Variants in RMND5A observed in about 807,000 individuals in gnomAD.
The protein encoded by RMND5A is E3 ubiquitin-protein transferase RMND5A.
RMND5A carries 17 observed loss-of-function variants against 49.7 expected under a neutral mutation model. That is an observed-to-expected ratio of 0.34 (90% CI 0.23 to 0.51). RMND5A has a LOEUF of 0.51. Ranked by LOEUF, RMND5A falls within the 20% of genes least tolerant of loss-of-function variation. RMND5A has a pLI of 0.96. For missense variants in RMND5A, 255 were observed against 471.3 expected, an observed-to-expected ratio of 0.54 and a Z score of 4.25; for synonymous variants, 156 against 167.7, an observed-to-expected ratio of 0.93 and a Z score of 0.54.
chr2:86,728,169 T>C (rs75267575), intron 1 of RMND5A, among the ~76,000 whole-genome samples: 43 of 80,714 alleles, frequency 5.3e-4, no homozygotes, highest in Admixed American at 3.8e-3. Flanking sequence ...AAAGAAACAT[T>C]ATTCATGGCC....
At chr2:86,767,516 A>T (rs1391572224) in intron 6 of RMND5A, among the ~76,000 whole-genome samples, 2 of 151,524 alleles carry the variant, frequency 1.3e-5, no homozygotes, top group African/African-American at 4.9e-5. Flanking sequence ...CCTGGGCTCA[A>T]GTGATTCTCC....
intron 2 of RMND5A, among the ~76,000 whole-genome samples, chr2:86,751,195 A>G (rs1270017733): frequency 6.6e-6 from 1 of 152,222 alleles, no homozygotes; most frequent in Non-Finnish European, 1.5e-5. Context: ...GATTCAGGCC[A>G]CAAGTTCTAA....
intron 1 of RMND5A, among the ~76,000 whole-genome samples, chr2:86,721,615 T>C (rs1380720904): frequency 6.6e-6 from 1 of 152,016 alleles, no homozygotes; most frequent in Non-Finnish European, 1.5e-5. Context: ...GATTGTTTTT[T>C]TTTTTACTGC....
chr2:86,757,738 C>T (rs960371460), intron 4 of RMND5A, among the ~76,000 whole-genome samples: 3 of 152,188 alleles, frequency 2.0e-5, no homozygotes, highest in Non-Finnish European at 4.4e-5. Flanking sequence ...AGTCTAGTAT[C>T]TGACTTTCAG....
At chr2:86,744,617 T>TGG (rs1681505234) in intron 2 of RMND5A, among the ~76,000 whole-genome samples, 1 of 152,200 alleles carries the variant, frequency 6.6e-6, no homozygotes, top group African/African-American at 2.4e-5. Flanking sequence ...TAAAGTTCCC[T>TGG]ACCTATCATG....
chr2:86,746,424 G>A (rs1212893375), intron 2 of RMND5A, among the ~76,000 whole-genome samples: 2 of 152,180 alleles, frequency 1.3e-5, no homozygotes, highest in Non-Finnish European at 2.9e-5. Flanking sequence ...TGTATTAAAG[G>A]TTTACTGATG....
intron 3 of RMND5A, 141 bp from the exon 4 acceptor site, chr2:86,753,317 A>G (rs1454960065): frequency 1.9e-6 from 1 of 537,398 alleles, no homozygotes; most frequent in Non-Finnish European, 3.3e-6. Context: ...AGAATGTACT[A>G]GGGGGCAGTC....
At chr2:86,772,650 A>C (rs1431337499) in intron 8 of RMND5A, among the ~76,000 whole-genome samples, 2 of 150,574 alleles carry the variant, frequency 1.3e-5, no homozygotes, top group Non-Finnish European at 3.0e-5. Context: ...GCTGGAGTGC[A>C]GTGGTGCTGT....
At chr2:86,723,933 C>G (rs1482197989) in intron 1 of RMND5A, among the ~76,000 whole-genome samples, 1 of 151,796 alleles carries the variant, frequency 6.6e-6, no homozygotes, top group Non-Finnish European at 1.5e-5. Context: ...AAATTTCTCT[C>G]GTTAATCTTT....
At chr2:86,729,520 A>G (rs1306494162) in intron 1 of RMND5A, among the ~76,000 whole-genome samples, 1 of 139,672 alleles carries the variant, frequency 7.2e-6, no homozygotes, top group Non-Finnish European at 1.6e-5. Context: ...AAACAAAAGC[A>G]GTGCCCTGTA....
chr2:86,776,860 AAC>A lies in RMND5A; in HGVS notation c.*3452_*3453del, dbSNP rs1672779605. 6.6e-6 allele frequency: 1 copy of A among 152,236 alleles called. No individual in the cohort carries two copies. The highest frequency in any genetic ancestry group is 1.5e-5 in the Non-Finnish European group (1 of 68,038). The allele number at this position is 152,236 out of a possible 1,614,324, so 9.4% of individuals were successfully genotyped here. A position where few individuals can be genotyped will look rare whatever the true frequency, so the allele number is the denominator to read the frequency against. The stretch of plus-strand genomic sequence containing the variant: ...TAACTATACGTACTTTATCTCTGGT[AAC>A]ACTAGAATGCTGTGGTCTTGAGGGA... On this transcript the variant is annotated 3_prime_UTR_variant, in exon 9 of 9. Coordinates refer to ENST00000283632, the MANE Select transcript of RMND5A (RefSeq NM_022780.4).
chr2:86,771,385 T>G (rs943036928), intron 7 of RMND5A, 173 bp from the exon 8 acceptor site: 3 of 508,716 alleles, frequency 5.9e-6, no homozygotes, highest in African/African-American at 1.9e-5. Context: ...GAAGGCTAAT[T>G]TAACACTTTG....
chr2:86,721,784 A>G (rs1681230902), intron 1 of RMND5A, among the ~76,000 whole-genome samples: 1 of 150,074 alleles, frequency 6.7e-6, no homozygotes, highest in African/African-American at 2.5e-5. Context: ...ACAGAAATTT[A>G]TGTGAAGGAC....
In RMND5A at chr2:86,776,747, A is replaced by G. The variant is rs1354807236; in HGVS notation, c.*3336A>G. On this transcript the variant is annotated 3_prime_UTR_variant, in exon 9 of 9. Coordinates refer to ENST00000283632, the MANE Select transcript of RMND5A (RefSeq NM_022780.4). ...TCGTCAGCCGACTCAGGTTATTTTC[A>G]GGGAAGGCATGGAGGCATAGTTTGG... 3 of 152,218 alleles carry G rather than the reference A, an allele frequency of 2.0e-5. No individual in the cohort carries two copies. Among genetic ancestry groups the G allele is most frequent in the Non-Finnish European group, 4.4e-5 (3 of 68,046 alleles). The allele number at this position is 152,218 out of a possible 1,614,324, so 9.4% of individuals were successfully genotyped here. A position where few individuals can be genotyped will look rare whatever the true frequency, so the allele number is the denominator to read the frequency against.
At chr2:86,750,503 A>G (rs2367550) in intron 2 of RMND5A, among the ~76,000 whole-genome samples, 1 of 17,524 alleles carries the variant, frequency 5.7e-5, no homozygotes, top group African/African-American at 2.0e-4. Flanking sequence ...TGTAAGTAAC[A>G]TGTCACTTTT....
chr2:86,721,092 C>T (rs1029098370), intron 1 of RMND5A: 4 of 307,950 alleles, frequency 1.3e-5, no homozygotes, highest in Non-Finnish European at 1.8e-5. Context: ...GGGGGCCGCC[C>T]ATCGCACCTG....
Position 86,771,550 on chromosome 2 carries a change from T to C in RMND5A, c.958-8T>C, listed in dbSNP as rs1446211701. On this transcript the variant is annotated splice_region_variant and splice_polypyrimidine_tract_variant and intron_variant, in intron 7 of 8. Transcript: ENST00000283632. ...CAGCTTTTTTACTTTTTTTTTTTTT[T>C]TTAACAGATTGAAGTGGACCTTGGT... is the stretch of plus-strand genomic sequence containing the variant. 1.3e-6 allele frequency: 2 copies of C among 1,584,562 alleles called. No homozygotes were observed. The highest frequency in any genetic ancestry group is 2.3e-5 in the South Asian group (2 of 85,730).
At chr2:86,771,483 C>A in intron 7 of RMND5A, 75 bp from the exon 8 acceptor site, 1 of 1,306,426 alleles carries the variant, frequency 7.7e-7, no homozygotes, top group Non-Finnish European at 1.1e-6. Context: ...CTTTGCTGCA[C>A]AGTGTATATT....
intron 7 of RMND5A, among the ~76,000 whole-genome samples, chr2:86,770,793 A>G (rs1225906133): frequency 1.3e-5 from 2 of 152,130 alleles, no homozygotes; most frequent in Non-Finnish European, 2.9e-5. Flanking sequence ...TAGGCACTCA[A>G]ATTGTGGCTG....
Sources: gnomAD v4.1 joint callset for allele counts (sites outside exome capture counted in the v4.1 genomes callset) on GRCh38, gnomAD v4.1.1 for gene constraint, MANE v1.5 for transcripts, NCBI Gene and HGNC (gene_info 2026-07-23, HGNC 2026-07-21) for gene names.